Variants in CEP250 observed in about 807,000 individuals in gnomAD.
The protein encoded by CEP250 is centrosomal protein 250, also known as centrosome-associated protein CEP250.
A neutral mutation model predicts 315.7 loss-of-function variants in CEP250; 242 were observed. The ratio of observed to expected loss-of-function variants is 0.77; its 90% CI spans 0.69 to 0.85. CEP250 has a LOEUF of 0.85. CEP250 is among the 40% of genes least tolerant of loss of function. The probability of loss-of-function intolerance (pLI) is 0.00; values close to 1 mark genes in which losing one functional copy is unlikely to be tolerated. For missense variants in CEP250, 2,515 were observed against 2,886.4 expected (o/e 0.87, Z 2.95); for synonymous variants, 1,088 against 1,175.0 (o/e 0.93, Z 1.51).
rs1454142307 is a variant in CEP250 at position 35,473,488 on chromosome 20, G to A, written c.1324G>A (p.Gly442Arg). 2 of 1,614,070 alleles carry A rather than the reference G, an allele frequency of 1.2e-6. No individual in the cohort carries two copies. The highest frequency in any genetic ancestry group is 1.7e-5 in the Admixed American group (1 of 59,994). ...GAGACAGCGGCTGCAGAAGCTCACT[G>A]GGGAGCGGGACACTCTGGCAGGGCA... ...ALRQRLQKLT[G>R]ERDTLAGQTV... is the part of the protein sequence containing the mutation. Residue 442 changes from glycine (G) to arginine (R), a missense_variant, in exon 13 of 35, where the codon GGG becomes AGG. By Grantham distance (125) the Gly-to-Arg change is moderately radical (BLOSUM62 -2). Coordinates refer to ENST00000397527, the MANE Select transcript of CEP250 (RefSeq NM_007186.6).
chr20:35,502,782 G>C lies in CEP250; in HGVS notation c.4413G>C (p.Glu1471Asp), dbSNP rs1247320008. 7.4e-6 allele frequency: 12 copies of C among 1,614,138 alleles called. No individual in the cohort carries two copies. The Admixed American group carries it at 2.0e-4, about 27-fold the overall frequency. The change falls in exon 30 of 35, where the codon GAG becomes GAC. Residue 1471 changes from glutamate (E) to aspartate (D), a missense_variant. By Grantham distance (45) the Glu-to-Asp change is conservative (BLOSUM62 2). Coordinates refer to ENST00000397527, the MANE Select transcript of CEP250 (RefSeq NM_007186.6). The part of the protein sequence containing the change: ...LSLDLKKRNQ[E>D]VDLQQEQIQE... ...TGGACCTGAAGAAGAGGAACCAAGAGGTAGATCTGCAGCAAGAACAGATTC... is the reference window on the plus strand; with the variant it reads ...TGGACCTGAAGAAGAGGAACCAAGACGTAGATCTGCAGCAAGAACAGATTC...
chr20:35,471,988 C>G, intron 10 of CEP250, 62 bp from the exon 11 acceptor site: 1 of 1,030,860 alleles, frequency 9.7e-7, no homozygotes, highest in Non-Finnish European at 1.5e-6. Flanking sequence ...GTTTGGGGTC[C>G]TGGAATAATA....
At chr20:35,474,938 G>A (rs1263426063) in intron 14 of CEP250, 1 of 456,422 alleles carries the variant, frequency 2.2e-6, no homozygotes, top group Non-Finnish European at 4.6e-6. Flanking sequence ...CCTTGTACCT[G>A]GTAGGCATGA....
chr20:35,490,563 G>T, intron 20 of CEP250, 74 bp from the exon 21 acceptor site: 1 of 1,442,228 alleles, frequency 6.9e-7, no homozygotes, highest in East Asian at 2.3e-5. Context: ...GAGAGACTTT[G>T]TTTTTCCAAT....
In CEP250 at chr20:35,511,376, A is replaced by G; in HGVS notation, c.7079A>G (p.Gln2360Arg). The G allele has an allele frequency of 6.2e-7, 1 of 1,604,420 alleles. No homozygotes were observed. Among genetic ancestry groups the G allele is most frequent in the Middle Eastern group, 1.7e-4 (1 of 6,024 alleles). ...CCTGCCCACCAGGTGGTCCTGCTGC[A>G]AGCTCAGCTGACTTTGGAGCGGAAG... is the stretch of plus-strand genomic sequence containing the variant. The part of the protein sequence containing the change: ...AELQKEVVLL[Q>R]AQLTLERKQK... The change falls in exon 35 of 35, where the codon CAA becomes CGA. Residue 2360 changes from glutamine to arginine, a missense_variant. By Grantham distance (43) the Gln-to-Arg change is conservative (BLOSUM62 1). Transcript: ENST00000397527.
chr20:35,491,895 C>CAAAAAAAAAAAAAAAAAAAAAA lies in CEP250; in HGVS notation c.2889+551_2889+572dup, dbSNP rs34747030. ...CCAGCCTTGGTGATAGAGCGAGTCT[C>CAAAAAAAAAAAAAAAAAAAAAA]AAAAAAAAAAAAAAAAAAAAAAAGG... On this transcript the variant is annotated intron_variant, in intron 22 of 34. Transcript: ENST00000397527. Among the ~76,000 whole-genome samples the CAAAAAAAAAAAAAAAAAAAAAA allele has an allele frequency of 3.1e-5, 2 of 63,920 alleles. 1 individual carries two copies. The highest frequency in any genetic ancestry group is 1.5e-4 in the African/African-American group (2 of 13,340). The allele number at this position is 63,920 out of a possible 152,430, so 41.9% of individuals were successfully genotyped here. A position where few individuals can be genotyped will look rare whatever the true frequency, so the allele number is the denominator to read the frequency against.
At position 35,477,854 on chromosome 20, in the gene CEP250, C is replaced by T. The variant is rs1456300841; in HGVS notation, c.1864-17C>T. ...TTGTCTTTGATGCTTGTACTCCCTT[C>T]CCTTTTTGGCCAGTAGTTAGAGGAG... On this transcript the variant is annotated splice_polypyrimidine_tract_variant and intron_variant, in intron 16 of 34. Transcript: ENST00000397527. 13 of 1,556,518 alleles carry T rather than the reference C, an allele frequency of 8.4e-6. No homozygotes were observed. The South Asian group carries it at 1.5e-4, about 18-fold the overall frequency.
chr20:35,481,525 T>G (rs1373037574), intron 20 of CEP250, among the ~76,000 whole-genome samples: 1 of 152,218 alleles, frequency 6.6e-6, no homozygotes, highest in African/African-American at 2.4e-5. Context: ...ATGATTTTTT[T>G]ATTGTTTTAT....
intron 28 of CEP250, 45 bp downstream of exon 28, chr20:35,500,214 T>C (rs751998255): frequency 1.2e-6 from 2 of 1,607,880 alleles, no homozygotes; most frequent in South Asian, 1.1e-5. Context: ...GGAGAAGGGA[T>C]AGGTGGGGAG....
intron 5 of CEP250, among the ~76,000 whole-genome samples, chr20:35,464,266 G>A (rs2146688288): frequency 1.3e-5 from 2 of 152,178 alleles, no homozygotes; most frequent in Middle Eastern, 6.8e-3. Context: ...CATTGTTTGG[G>A]GTTGTTTTGC....
chr20:35,502,906 C>G lies in CEP250; in HGVS notation c.4537C>G (p.Leu1513Val). Residue 1513 changes from leucine (L) to valine (V), a missense_variant, in exon 30 of 35, where the codon CTC becomes GTC. Transcript: ENST00000397527. ...TGTGCAGAGGGAGCAGATCAGAGAG[C>G]TCGAGAAGGATCGGGAGACTCAGAG... is the stretch of plus-strand genomic sequence containing the variant. ...LTVQREQIRE[L>V]EKDRETQRNV... 5 of 1,614,180 alleles carry G rather than the reference C, an allele frequency of 3.1e-6. No individual in the cohort carries two copies. The highest frequency in any genetic ancestry group is 4.2e-6 in the Non-Finnish European group (5 of 1,180,024).
Position 35,508,031 on chromosome 20 carries a change from A to G in CEP250, c.6751-4A>G. The G allele has an allele frequency of 6.2e-7, 1 of 1,614,138 alleles. No individual in the cohort carries two copies. Among genetic ancestry groups the G allele is most frequent in the Non-Finnish European group, 8.5e-7 (1 of 1,180,018 alleles). Reference sequence around the variant, plus strand: ...CAGGTGAGATTCACAGGTCTTTCCCACAGGTCTCAGGAGTGGAGGCTGAGC... The same window carrying G: ...CAGGTGAGATTCACAGGTCTTTCCCGCAGGTCTCAGGAGTGGAGGCTGAGC... On this transcript the variant is annotated splice_region_variant and splice_polypyrimidine_tract_variant and intron_variant, in intron 31 of 34. Coordinates refer to ENST00000397527, the MANE Select transcript of CEP250 (RefSeq NM_007186.6).
chr20:35,494,320 G>C (rs779299078), intron 23 of CEP250: 9 of 595,054 alleles, frequency 1.5e-5, no homozygotes, highest in Non-Finnish European at 2.6e-5. Flanking sequence ...CATATGTGAG[G>C]CTGGGAGGCA....
rs2064415885 is a variant in CEP250, at chr20:35,514,682, A to G, written c.*3056A>G. On this transcript the variant is annotated 3_prime_UTR_variant, in exon 35 of 35. Transcript: ENST00000397527. ...GGAGAAGCTGGTGGTGTATGTTGAG[A>G]TAAGGAGGGTGGGGAGTGTACAGTT... 6.6e-6 allele frequency: 1 copy of G among 152,286 alleles called. No homozygotes were observed. Among genetic ancestry groups the G allele is most frequent in the South Asian group, 2.1e-4 (1 of 4,836 alleles). 9.4% of individuals were successfully genotyped at this position (152,286 alleles called of 1,614,324 possible). A position where few individuals can be genotyped will look rare whatever the true frequency, so the allele number is the denominator to read the frequency against.
rs1281985616 is a variant in CEP250, at chr20:35,511,558, A to C, written c.7261A>C (p.Ser2421Arg). ...TRRLDESLTQSLTSPGPVLLH... is the reference protein window; with the variant it reads ...TRRLDESLTQRLTSPGPVLLH... ...CAGGCTGGATGAGTCCCTGACTCAA[A>C]GTCTGACATCCCCAGGGCCAGTCCT... is the stretch of plus-strand genomic sequence containing the variant. Residue 2421 changes from serine to arginine, a missense_variant, in exon 35 of 35, where the codon AGT becomes CGT. Coordinates refer to ENST00000397527, the MANE Select transcript of CEP250 (RefSeq NM_007186.6). 6.2e-7 allele frequency: 1 copy of C among 1,614,016 alleles called. No homozygotes were observed. Among genetic ancestry groups the C allele is most frequent in the South Asian group, 1.1e-5 (1 of 91,084 alleles).
chr20:35,481,618 A>AT (rs199864664), intron 20 of CEP250, among the ~76,000 whole-genome samples: 7,945 of 123,590 alleles, frequency 0.064, 623 homozygotes, highest in African/African-American at 0.19. Flanking sequence ...TTCTATTCAG[A>AT]TTTTTTTTTT....
Position 35,508,181 on chromosome 20 carries a change from C to T in CEP250, c.6897C>T (p.Thr2299=). The T allele has an allele frequency of 6.2e-7, 1 of 1,614,022 alleles. No individual in the cohort carries two copies. Among genetic ancestry groups the T allele is most frequent in the Non-Finnish European group, 8.5e-7 (1 of 1,179,980 alleles). ...GCCACAATGTCCAGCTGCGGAGTAC[C>T]TTGGAGCAGGTGACCCCTCTTCTTG... is the stretch of plus-strand genomic sequence containing the variant. ...LQRHNVQLRS[T]LEQVERERRK... is the part of the protein sequence containing the mutation. The change falls in exon 32 of 35, where the codon ACC becomes ACT. Residue 2299 remains threonine (T), a synonymous_variant. Coordinates refer to ENST00000397527, the MANE Select transcript of CEP250 (RefSeq NM_007186.6).
Position 35,476,912 on chromosome 20 carries a change from G to A in CEP250, c.1863+317G>A, listed in dbSNP as rs139448896. Among the ~76,000 whole-genome samples, 789 of 152,256 alleles carry A rather than the reference G, an allele frequency of 5.2e-3. 4 individuals carry two copies. The highest frequency in any genetic ancestry group is 8.3e-3 in the Non-Finnish European group (565 of 68,018). ...CACCTAGGCTGGAGTGCAGTGGTGCGATCTTAGCTAACTGCAGTTTTCATC... is the reference window on the plus strand; with the variant it reads ...CACCTAGGCTGGAGTGCAGTGGTGCAATCTTAGCTAACTGCAGTTTTCATC... On this transcript the variant is annotated intron_variant, in intron 16 of 34. Transcript: ENST00000397527.
At chr20:35,480,739 T>G (rs1006531803) in intron 20 of CEP250, among the ~76,000 whole-genome samples, 18 of 151,888 alleles carry the variant, frequency 1.2e-4, no homozygotes, top group Non-Finnish European at 1.5e-5. Flanking sequence ...ATTACAGGTG[T>G]GTGCCACCAC....
Sources: allele counts gnomAD v4.1 joint callset (sites outside exome capture counted in the v4.1 genomes callset), GRCh38; gene constraint gnomAD v4.1.1; transcripts MANE v1.5; gene names NCBI Gene and HGNC (gene_info 2026-07-23, HGNC 2026-07-21).